LMBR1: variants seen among roughly 807,000 people sequenced by gnomAD.
LMBR1 encodes limb development membrane protein 1.
In LMBR1, 52 loss-of-function variants were observed where a neutral mutation model predicts 73.9. The ratio of observed to expected loss-of-function variants is 0.70; its 90% CI spans 0.56 to 0.89. The LOEUF (loss-of-function observed/expected upper bound fraction) is 0.89, where lower values mean the gene tolerates loss of function less well. Among genes scored for constraint, LMBR1 ranks in the 40% least tolerant of loss-of-function variants. The pLI is 0.00. For missense variants in LMBR1, 539 were observed against 579.8 expected (o/e 0.93, Z 0.72); for synonymous variants, 215 against 209.4 (o/e 1.03, Z -0.23).
At chr7:156,755,845 T>A (rs1044906450) in intron 9 of LMBR1, among the ~76,000 whole-genome samples, 1 of 152,212 alleles carries the variant, frequency 6.6e-6, no homozygotes, top group Non-Finnish European at 1.5e-5. Flanking sequence ...TCACTATTTG[T>A]AACTGAAGAA....
At chr7:156,805,208 T>C (rs28811958) in intron 4 of LMBR1, among the ~76,000 whole-genome samples, 64,553 of 148,072 alleles carry the variant, frequency 0.44, 14,295 homozygotes, top group East Asian at 0.6. Flanking sequence ...TATGCTAACA[T>C]CATGCACTTT....
intron 5 of LMBR1, among the ~76,000 whole-genome samples, chr7:156,788,583 C>G (rs1251899659): frequency 6.6e-6 from 1 of 151,666 alleles, no homozygotes; most frequent in Non-Finnish European, 1.5e-5. Flanking sequence ...GGCGTACTCA[C>G]CAAACCCCAC....
chr7:156,736,610 T>G, intron 9 of LMBR1: 1 of 457,074 alleles, frequency 2.2e-6, no homozygotes, highest in South Asian at 1.5e-5. Flanking sequence ...GCACAAAGCA[T>G]TCCCACTGTG....
At chr7:156,832,746 G>T (rs1186436799) in intron 3 of LMBR1, among the ~76,000 whole-genome samples, 2 of 152,060 alleles carry the variant, frequency 1.3e-5, no homozygotes, top group East Asian at 3.8e-4. Context: ...ATCCTCCTCA[G>T]CAAAGGATGC....
At chr7:156,796,320 T>A in intron 5 of LMBR1, 69 bp downstream of exon 5, 1 of 998,226 alleles carries the variant, frequency 1.0e-6, no homozygotes, top group Non-Finnish European at 1.5e-6. Flanking sequence ...GTCTGCTTTT[T>A]CTAGTTCAAT....
intron 1 of LMBR1, chr7:156,892,604 G>C (rs1334835897): frequency 4.2e-6 from 1 of 236,412 alleles, no homozygotes; most frequent in Non-Finnish European, 8.2e-6. Flanking sequence ...CCCTCCCCGC[G>C]GGAAGGGAAG....
intron 15 of LMBR1, among the ~76,000 whole-genome samples, chr7:156,703,555 G>A (rs1446229113): frequency 6.6e-6 from 1 of 152,204 alleles, no homozygotes; most frequent in African/African-American, 2.4e-5. Context: ...GGATAGGAGA[G>A]GGACACAAGT....
intron 1 of LMBR1, among the ~76,000 whole-genome samples, chr7:156,854,463 T>C (rs1796672929): frequency 1.3e-5 from 2 of 152,064 alleles, no homozygotes; most frequent in African/African-American, 4.8e-5. Flanking sequence ...AAAAATAAAA[T>C]CCCTTCAAGC....
intron 4 of LMBR1, among the ~76,000 whole-genome samples, chr7:156,815,860 A>G (rs1404866274): frequency 6.6e-6 from 1 of 152,134 alleles, no homozygotes; most frequent in Non-Finnish European, 1.5e-5. Flanking sequence ...TCTATTTCTA[A>G]CTTTTAACAT....
intron 1 of LMBR1, among the ~76,000 whole-genome samples, chr7:156,871,398 C>T (rs1339844673): frequency 6.6e-6 from 1 of 152,158 alleles, no homozygotes; most frequent in Non-Finnish European, 1.5e-5. Flanking sequence ...GTCTCAAACT[C>T]CTTCAAAAAA....
intron 15 of LMBR1, among the ~76,000 whole-genome samples, chr7:156,694,251 G>T (rs1807824377): frequency 6.6e-6 from 1 of 152,058 alleles, no homozygotes; most frequent in Admixed American, 6.6e-5. Flanking sequence ...TCCCACCTCA[G>T]CCTTCCAGGT....
At chr7:156,751,215 G>GA (rs1450560883) in intron 9 of LMBR1, among the ~76,000 whole-genome samples, 10 of 152,040 alleles carry the variant, frequency 6.6e-5, no homozygotes, top group Admixed American at 6.6e-4. Flanking sequence ...AAATGCTATA[G>GA]AAAAAAATAA....
In LMBR1 at chr7:156,811,935, C is replaced by T. The variant is rs543382006; in HGVS notation, c.319+14670G>A. The stretch of plus-strand genomic sequence containing the variant: ...TGGCTGCCTGCAATCTTTGGCATTC[C>T]TGGGCTTGCTGATGCCCTTATTCCA... On this transcript the variant is annotated intron_variant, in intron 4 of 16. Transcript: ENST00000353442. 1.1e-4 allele frequency among the ~76,000 whole-genome samples: 17 copies of T among 152,306 alleles called. No individual in the cohort carries two copies. The South Asian group carries it at 3.5e-3, about 32-fold the overall frequency.
intron 5 of LMBR1, among the ~76,000 whole-genome samples, chr7:156,771,912 G>A (rs1453179240): frequency 6.6e-6 from 1 of 152,154 alleles, no homozygotes; most frequent in African/African-American, 2.4e-5. Context: ...TTATCCCTGG[G>A]ATGGAAGGTT....
At chr7:156,740,472 TAAAG>T (rs775397687) in intron 9 of LMBR1, among the ~76,000 whole-genome samples, 23 of 151,986 alleles carry the variant, frequency 1.5e-4, no homozygotes, top group Non-Finnish European at 1.8e-4. Context: ...AGGTCAAGGA[TAAAG>T]AAAGGATCCC....
chr7:156,735,006 A>T (rs965667858), intron 9 of LMBR1, among the ~76,000 whole-genome samples: 4 of 152,232 alleles, frequency 2.6e-5, no homozygotes, highest in Non-Finnish European at 5.9e-5. Flanking sequence ...TCCATAGTAC[A>T]GATGTACTAC....
chr7:156,751,928 G>A (rs538383243), intron 9 of LMBR1, among the ~76,000 whole-genome samples: 6 of 152,242 alleles, frequency 3.9e-5, no homozygotes, highest in East Asian at 1.9e-4. Context: ...AGTAGAGGTC[G>A]CAGCTTATAG....
chr7:156,862,752 C>T (rs1050192503), intron 1 of LMBR1, among the ~76,000 whole-genome samples: 1 of 152,180 alleles, frequency 6.6e-6, no homozygotes, highest in African/African-American at 2.4e-5. Flanking sequence ...TGGGCCTCAT[C>T]CAATCAGTGG....
At chr7:156,698,645 G>A (rs1459048348) in intron 15 of LMBR1, among the ~76,000 whole-genome samples, 1 of 152,188 alleles carries the variant, frequency 6.6e-6, no homozygotes, top group Non-Finnish European at 1.5e-5. Flanking sequence ...AGTCACGGCT[G>A]GAGCAGCTGG....
Sources: gnomAD v4.1 joint callset for allele counts (sites outside exome capture counted in the v4.1 genomes callset) on GRCh38, gnomAD v4.1.1 for gene constraint, MANE v1.5 for transcripts, NCBI Gene and HGNC (gene_info 2026-07-23, HGNC 2026-07-21) for gene names.